SNAP25: variants seen among roughly 807,000 people sequenced by gnomAD.
SNAP25 encodes the protein synaptosomal-associated protein 25.
SNAP25 carries 3 observed loss-of-function variants against 28.7 expected under a neutral mutation model. That is an observed-to-expected ratio of 0.10 (90% CI 0.05 to 0.27). The LOEUF (loss-of-function observed/expected upper bound fraction) is 0.27. Ranked by LOEUF, SNAP25 falls within the 10% of genes least tolerant of loss-of-function variation. The probability of loss-of-function intolerance (pLI) is 1.00; values close to 1 mark genes in which losing one functional copy is unlikely to be tolerated. For synonymous variants in SNAP25, 61 were observed against 88.1 expected, an observed-to-expected ratio of 0.69 and a Z score of 1.72; for missense variants, 117 against 278.7, an observed-to-expected ratio of 0.42 and a Z score of 4.13.
intron 1 of SNAP25, among the ~76,000 whole-genome samples, chr20:10,237,447 C>T (rs895649273): frequency 6.6e-5 from 10 of 152,292 alleles, no homozygotes; most frequent in Admixed American, 2.0e-4. Flanking sequence ...CTTCAGAATA[C>T]ACAGAAAAGG....
At chr20:10,238,977 G>A (rs929146481) in intron 1 of SNAP25, among the ~76,000 whole-genome samples, 2 of 152,074 alleles carry the variant, frequency 1.3e-5, no homozygotes, top group African/African-American at 4.8e-5. Flanking sequence ...GGACTCAGAA[G>A]CCACTATCAG....
At chr20:10,257,398 CTG>C (rs2063336053) in intron 1 of SNAP25, among the ~76,000 whole-genome samples, 1 of 152,146 alleles carries the variant, frequency 6.6e-6, no homozygotes, top group African/African-American at 2.4e-5. Flanking sequence ...TGGTGAAACC[CTG>C]TCTCTACTAC....
At chr20:10,237,700 T>G (rs2062949434) in intron 1 of SNAP25, among the ~76,000 whole-genome samples, 1 of 152,194 alleles carries the variant, frequency 6.6e-6, no homozygotes, top group Admixed American at 6.5e-5. Flanking sequence ...CAGGGTATTA[T>G]TAGCTTCATT....
chr20:10,273,269 G>A (rs1254782569), intron 1 of SNAP25, among the ~76,000 whole-genome samples: 1 of 152,054 alleles, frequency 6.6e-6, no homozygotes, highest in African/African-American at 2.4e-5. Context: ...TCCTCTCCCA[G>A]CTTCGGTTTT....
At chr20:10,295,290 C>G (rs893625337) in intron 5 of SNAP25, among the ~76,000 whole-genome samples, 4 of 152,224 alleles carry the variant, frequency 2.6e-5, no homozygotes, top group African/African-American at 7.2e-5. Context: ...ATACTTCCCA[C>G]TCCTTTGACT....
chr20:10,306,099 T>C (rs775984185), intron 7 of SNAP25, 30 bp from the exon 8 acceptor site: 3 of 1,610,514 alleles, frequency 1.9e-6, no homozygotes, highest in Admixed American at 1.7e-5. Context: ...AGGGGTAACC[T>C]GAGTTCTGTT....
intron 1 of SNAP25, among the ~76,000 whole-genome samples, chr20:10,254,963 G>C (rs1305768041): frequency 6.6e-6 from 1 of 152,100 alleles, no homozygotes; most frequent in African/African-American, 2.4e-5. Flanking sequence ...CCTTCCGACT[G>C]TTTCTTCATC....
intron 1 of SNAP25, among the ~76,000 whole-genome samples, chr20:10,244,658 G>T (rs145637287): frequency 4.7e-4 from 72 of 152,182 alleles, no homozygotes; most frequent in Non-Finnish European, 7.9e-4. Flanking sequence ...AAAGGTGACT[G>T]GGTCTCATCA....
intron 1 of SNAP25, among the ~76,000 whole-genome samples, chr20:10,266,219 C>G (rs1353895810): frequency 6.6e-6 from 1 of 152,190 alleles, no homozygotes; most frequent in African/African-American, 2.4e-5. Flanking sequence ...CTCACCCTTT[C>G]AATGAGGGGA....
chr20:10,234,833 G>T (rs939071813), intron 1 of SNAP25, among the ~76,000 whole-genome samples: 2 of 152,150 alleles, frequency 1.3e-5, no homozygotes, highest in African/African-American at 4.8e-5. Context: ...GTATGGTGAA[G>T]ATATACTGAA....
Position 10,266,028 on chromosome 20 carries a change from C to T in SNAP25, c.-63-9401C>T, listed in dbSNP as rs117057642. 8.6e-3 allele frequency among the ~76,000 whole-genome samples: 1,316 copies of T among 152,310 alleles called. 8 individuals carry two copies. Among genetic ancestry groups the T allele is most frequent in the Non-Finnish European group, 0.01 (705 of 68,030 alleles). ...AAAGTTCTTAGTTTGATTCCTATCACATTGCAAGTTCTTGACAAATAACTA... is the reference window on the plus strand; with the variant it reads ...AAAGTTCTTAGTTTGATTCCTATCATATTGCAAGTTCTTGACAAATAACTA... On this transcript the variant is annotated intron_variant, in intron 1 of 7. Coordinates refer to ENST00000254976, the MANE Select transcript of SNAP25 (RefSeq NM_130811.4).
intron 3 of SNAP25, among the ~76,000 whole-genome samples, chr20:10,282,131 A>C (rs1440250344): frequency 3.7e-4 from 54 of 147,102 alleles, no homozygotes; most frequent in Admixed American, 3.5e-3. Context: ...CTCAATAAAC[A>C]CTAGGAAGGA....
At chr20:10,289,481 G>T (rs1157280488) in intron 4 of SNAP25, among the ~76,000 whole-genome samples, 1 of 151,876 alleles carries the variant, frequency 6.6e-6, no homozygotes, top group Non-Finnish European at 1.5e-5. Flanking sequence ...CCTGTCCGGA[G>T]AGTCAGCTAT....
intron 1 of SNAP25, among the ~76,000 whole-genome samples, chr20:10,240,831 C>G (rs2063014398): frequency 6.6e-6 from 1 of 152,198 alleles, no homozygotes; most frequent in South Asian, 2.1e-4. Context: ...TCGCAGAGCC[C>G]TGGAAGAGCA....
intron 1 of SNAP25, among the ~76,000 whole-genome samples, chr20:10,231,887 T>G (rs2062834772): frequency 6.6e-6 from 1 of 152,216 alleles, no homozygotes; most frequent in Non-Finnish European, 1.5e-5. Flanking sequence ...CTCAAGTATT[T>G]TGGATAAGGG....
chr20:10,239,406 CAG>C (rs2062984274), intron 1 of SNAP25, among the ~76,000 whole-genome samples: 1 of 152,244 alleles, frequency 6.6e-6, no homozygotes, highest in Non-Finnish European at 1.5e-5. Context: ...TATATTTGGA[CAG>C]AGTGGGCATT....
intron 1 of SNAP25, among the ~76,000 whole-genome samples, chr20:10,253,755 G>T (rs2063270557): frequency 6.6e-6 from 1 of 152,136 alleles, no homozygotes; most frequent in Admixed American, 6.5e-5. Context: ...TGTATTTGGG[G>T]GTACTAATAC....
intron 1 of SNAP25, among the ~76,000 whole-genome samples, chr20:10,254,802 G>A (rs2063292071): frequency 6.6e-6 from 1 of 152,178 alleles, no homozygotes; most frequent in South Asian, 2.1e-4. Context: ...CCTGCCTCGG[G>A]TCTGGAAAAT....
intron 1 of SNAP25, among the ~76,000 whole-genome samples, chr20:10,260,625 C>G (rs1481784914): frequency 1.3e-5 from 2 of 151,778 alleles, no homozygotes; most frequent in Non-Finnish European, 2.9e-5. Context: ...AGGAAACTCC[C>G]CTAACCATGA....
Sources: allele counts gnomAD v4.1 joint callset (sites outside exome capture counted in the v4.1 genomes callset), GRCh38; gene constraint gnomAD v4.1.1; transcripts MANE v1.5; gene names NCBI Gene and HGNC (gene_info 2026-07-23, HGNC 2026-07-21).